ST8SIA2: variants seen among roughly 807,000 people sequenced by gnomAD.
The protein encoded by ST8SIA2 is ST8 alpha-N-acetyl-neuraminide alpha-2,8-sialyltransferase 2.
In ST8SIA2, 22 loss-of-function variants were observed where a neutral mutation model predicts 37.6. That is an observed-to-expected ratio of 0.58 (90% CI 0.42 to 0.83). The LOEUF is 0.83. Ranked by LOEUF, ST8SIA2 falls within the 40% of genes least tolerant of loss-of-function variation. The pLI, the probability that ST8SIA2 is intolerant of heterozygous loss-of-function variation, is 0.00. For synonymous variants in ST8SIA2, 205 were observed against 201.2 expected (o/e 1.02, Z -0.16); for missense variants, 382 against 484.7 (o/e 0.79, Z 1.99).
rs1387966519 is a variant in ST8SIA2 at position 92,467,627 on chromosome 15, A to T, written c.*3242A>T. 2 of 151,500 alleles carry T rather than the reference A, an allele frequency of 1.3e-5. No homozygotes were observed. The highest frequency in any genetic ancestry group is 2.4e-5 in the African/African-American group (1 of 41,216). The allele number at this position is 151,500 out of a possible 1,614,324, so 9.4% of individuals were successfully genotyped here. A position where few individuals can be genotyped will look rare whatever the true frequency, so the allele number is the denominator to read the frequency against. On this transcript the variant is annotated 3_prime_UTR_variant, in exon 6 of 6. Coordinates refer to ENST00000268164, the MANE Select transcript of ST8SIA2 (RefSeq NM_006011.4). ...TATTTATATATGTATGTATTTTTTT[A>T]TTTATTATTTATTTATTGAAACCCC...
intron 1 of ST8SIA2, among the ~76,000 whole-genome samples, chr15:92,404,536 C>G (rs1022161723): frequency 3.3e-5 from 5 of 151,894 alleles, no homozygotes; most frequent in Non-Finnish European, 7.4e-5. Context: ...GAATTGAAAG[C>G]AGGGGCCAGG....
At chr15:92,441,987 C>T (rs1054705827) in intron 4 of ST8SIA2, among the ~76,000 whole-genome samples, 2 of 152,212 alleles carry the variant, frequency 1.3e-5, no homozygotes, top group African/African-American at 4.8e-5. Context: ...AAGGGAGTGA[C>T]TCCTCTCCTG....
At chr15:92,456,078 C>T (rs2049917416) in intron 5 of ST8SIA2, among the ~76,000 whole-genome samples, 1 of 152,236 alleles carries the variant, frequency 6.6e-6, no homozygotes, top group Non-Finnish European at 1.5e-5. Context: ...AGGCTTAAGC[C>T]CCCAAGAAAT....
intron 3 of ST8SIA2, among the ~76,000 whole-genome samples, chr15:92,435,744 T>G (rs190865576): frequency 6.6e-6 from 1 of 152,164 alleles, no homozygotes; most frequent in Non-Finnish European, 1.5e-5. Flanking sequence ...TACCGCCTCT[T>G]CAGAGGCCTC....
chr15:92,418,462 C>CAAA (rs34061544), intron 1 of ST8SIA2, among the ~76,000 whole-genome samples: 351 of 100,044 alleles, frequency 3.5e-3, no homozygotes, highest in African/African-American at 0.012. Context: ...GACCCTCCCT[C>CAAA]AAAAAAAAAA....
intron 1 of ST8SIA2, among the ~76,000 whole-genome samples, chr15:92,418,718 C>T (rs2141818396): frequency 6.6e-6 from 1 of 152,130 alleles, no homozygotes; most frequent in African/African-American, 2.4e-5. Context: ...TGTATATATT[C>T]AAACGGTATA....
chr15:92,426,757 G>T (rs1454623497), intron 1 of ST8SIA2, among the ~76,000 whole-genome samples: 1 of 152,228 alleles, frequency 6.6e-6, no homozygotes, highest in Non-Finnish European at 1.5e-5. Flanking sequence ...ACTTGAAATT[G>T]CTAAGAAAGT....
At chr15:92,441,425 T>C (rs1323774203) in intron 4 of ST8SIA2, among the ~76,000 whole-genome samples, 1 of 152,140 alleles carries the variant, frequency 6.6e-6, no homozygotes, top group Non-Finnish European at 1.5e-5. Flanking sequence ...AAGCGTCAGC[T>C]GCACAAAGTG....
chr15:92,459,545 C>T (rs553304142), intron 5 of ST8SIA2, among the ~76,000 whole-genome samples: 3 of 152,204 alleles, frequency 2.0e-5, no homozygotes, highest in Non-Finnish European at 4.4e-5. Context: ...GAGGCCCATG[C>T]GTTCACCACA....
At chr15:92,406,284 T>C (rs1208669579) in intron 1 of ST8SIA2, among the ~76,000 whole-genome samples, 2 of 152,190 alleles carry the variant, frequency 1.3e-5, no homozygotes, top group Admixed American at 6.5e-5. Flanking sequence ...AGTTTCTGTT[T>C]CCACAGGCCT....
At chr15:92,397,723 C>G (rs1183764334) in intron 1 of ST8SIA2, among the ~76,000 whole-genome samples, 2 of 152,154 alleles carry the variant, frequency 1.3e-5, no homozygotes, top group Non-Finnish European at 2.9e-5. Flanking sequence ...GCTGTCTTGC[C>G]CATCATGGTG....
chr15:92,398,026 G>A (rs1365221831), intron 1 of ST8SIA2, among the ~76,000 whole-genome samples: 5 of 152,116 alleles, frequency 3.3e-5, no homozygotes, highest in African/African-American at 9.7e-5. Context: ...CCAGCTACTC[G>A]GGAGGCTGAG....
intron 1 of ST8SIA2, among the ~76,000 whole-genome samples, chr15:92,394,730 G>T (rs2049417599): frequency 6.6e-6 from 1 of 152,132 alleles, no homozygotes. Flanking sequence ...CCGGGAGCCC[G>T]GCGTAGGAGC....
chr15:92,427,421 A>G (rs138329452), intron 1 of ST8SIA2, among the ~76,000 whole-genome samples: 1 of 152,236 alleles, frequency 6.6e-6, no homozygotes, highest in East Asian at 1.9e-4. Context: ...AATAACTTAG[A>G]TATATTGGTA....
At chr15:92,442,621 G>A (rs898724162) in intron 4 of ST8SIA2, among the ~76,000 whole-genome samples, 4 of 152,086 alleles carry the variant, frequency 2.6e-5, no homozygotes, top group African/African-American at 9.7e-5. Context: ...TGGCTCAGCC[G>A]GGTTTCAAGG....
At chr15:92,440,462 C>T (rs2049793319) in intron 4 of ST8SIA2, among the ~76,000 whole-genome samples, 2 of 152,140 alleles carry the variant, frequency 1.3e-5, no homozygotes, top group African/African-American at 4.8e-5. Context: ...TGCTCTGCCT[C>T]ACTCCTGGGA....
chr15:92,425,384 C>T lies in ST8SIA2; in HGVS notation c.99-4665C>T, dbSNP rs113781659. Among the ~76,000 whole-genome samples the T allele has an allele frequency of 6.9e-3, 1,047 of 152,310 alleles. 12 individuals are homozygous for T. The highest frequency in any genetic ancestry group is 0.024 in the African/African-American group (991 of 41,564). ...GAACACAGCACATAAACTGCAGGGA[C>T]GACTTCAGAAGAAAACCCCCACTTA... On this transcript the variant is annotated intron_variant, in intron 1 of 5. Coordinates refer to ENST00000268164, the MANE Select transcript of ST8SIA2 (RefSeq NM_006011.4).
chr15:92,396,656 G>A (rs1217216998), intron 1 of ST8SIA2, among the ~76,000 whole-genome samples: 1 of 151,924 alleles, frequency 6.6e-6, no homozygotes, highest in African/African-American at 2.4e-5. Flanking sequence ...ACCACACCAG[G>A]CTAATTTTTG....
chr15:92,441,906 C>G (rs1163442919), intron 4 of ST8SIA2, among the ~76,000 whole-genome samples: 1 of 152,156 alleles, frequency 6.6e-6, no homozygotes, highest in Non-Finnish European at 1.5e-5. Flanking sequence ...GCCTCCAGAG[C>G]CTGCCCAAGC....
Sources: gnomAD v4.1 joint callset for allele counts (sites outside exome capture counted in the v4.1 genomes callset) on GRCh38, gnomAD v4.1.1 for gene constraint, MANE v1.5 for transcripts, NCBI Gene and HGNC (gene_info 2026-07-23, HGNC 2026-07-21) for gene names.